Variants in GLRA1 observed in about 807,000 individuals in gnomAD.
GLRA1 encodes the protein glycine receptor alpha 1.
A neutral mutation model predicts 48.3 loss-of-function variants in GLRA1; 37 were observed. The ratio of observed to expected loss-of-function variants is 0.77; its 90% CI spans 0.59 to 1.01. The LOEUF (loss-of-function observed/expected upper bound fraction) is 1.01, where lower values mean the gene tolerates loss of function less well. Among genes scored for constraint, GLRA1 ranks in the 50% least tolerant of loss-of-function variants. The pLI, the probability that GLRA1 is intolerant of heterozygous loss-of-function variation, is 0.00. For synonymous variants in GLRA1, 196 were observed against 210.7 expected (o/e 0.93, Z 0.60); for missense variants, 427 against 571.0 (o/e 0.75, Z 2.57).
intron 1 of GLRA1, among the ~76,000 whole-genome samples, chr5:151,900,232 C>G (rs1266870094): frequency 6.6e-6 from 1 of 152,160 alleles, no homozygotes; most frequent in Non-Finnish European, 1.5e-5. Context: ...CCTGCACTTG[C>G]AGGGACCAGA....
At chr5:151,873,795 T>A (rs756156859) in intron 3 of GLRA1, among the ~76,000 whole-genome samples, 4 of 152,310 alleles carry the variant, frequency 2.6e-5, no homozygotes, top group Non-Finnish European at 5.9e-5. Context: ...ACACTCCTTG[T>A]CAGGCTGGGT....
chr5:151,857,656 T>C (rs1208103450), intron 4 of GLRA1, among the ~76,000 whole-genome samples: 1 of 152,170 alleles, frequency 6.6e-6, no homozygotes, highest in Admixed American at 6.5e-5. Context: ...AGGGGTGGGC[T>C]CCTCAGGATT....
chr5:151,866,257 T>C (rs1429955986), intron 3 of GLRA1, among the ~76,000 whole-genome samples: 1 of 152,222 alleles, frequency 6.6e-6, no homozygotes, highest in Admixed American at 6.5e-5. Context: ...CTGCCCTGCT[T>C]ATGAGACCAA....
chr5:151,869,565 T>G lies in GLRA1; in HGVS notation c.253-9557A>C, dbSNP rs925337170. Among the ~76,000 whole-genome samples, 17 of 149,860 alleles carry G rather than the reference T, an allele frequency of 1.1e-4. 3 individuals carry two copies. The highest frequency in any genetic ancestry group is 4.0e-4 in the African/African-American group (16 of 39,510). On this transcript the variant is annotated intron_variant, in intron 3 of 8. Coordinates refer to ENST00000274576, the MANE Select transcript of GLRA1 (RefSeq NM_000171.4). ...CCCGTCTCTACTAAAAATACAAAAA[T>G]TAGCCTGTACTTGGTGGCAAGCACT...
At chr5:151,859,723 C>G (rs955880571) in intron 4 of GLRA1, 62 bp downstream of exon 4, 13 of 1,242,784 alleles carry the variant, frequency 1.0e-5, no homozygotes, top group African/African-American at 1.5e-5. Context: ...AGTCTATGCC[C>G]AGAAGGTAGT....
chr5:151,870,190 G>T (rs1753441231), intron 3 of GLRA1, among the ~76,000 whole-genome samples: 1 of 149,556 alleles, frequency 6.7e-6, no homozygotes, highest in Non-Finnish European at 1.5e-5. Context: ...ACAGGTTGGT[G>T]CATAAATAAC....
chr5:151,924,315 G>A (rs1206015627), intron 1 of GLRA1, among the ~76,000 whole-genome samples, 179 bp downstream of exon 1: 5 of 151,006 alleles, frequency 3.3e-5, no homozygotes, highest in African/African-American at 1.2e-4. Context: ...GCGGGCGGGG[G>A]TGGGGTGGGT....
At chr5:151,824,941 A>G (rs1371542280) in intron 8 of GLRA1, among the ~76,000 whole-genome samples, 1 of 152,100 alleles carries the variant, frequency 6.6e-6, no homozygotes, top group Non-Finnish European at 1.5e-5. Context: ...CACCAGCTTT[A>G]GTGTCCTTTT....
intron 3 of GLRA1, among the ~76,000 whole-genome samples, chr5:151,864,668 C>T (rs923867891): frequency 1.3e-5 from 2 of 152,160 alleles, no homozygotes; most frequent in Non-Finnish European, 2.9e-5. Flanking sequence ...CCCAGGCTTC[C>T]CTGACCTCTT....
intron 3 of GLRA1, among the ~76,000 whole-genome samples, chr5:151,880,689 A>G (rs1234071620): frequency 3.3e-5 from 5 of 152,274 alleles, no homozygotes; most frequent in African/African-American, 7.2e-5. Context: ...ATGTGCACAC[A>G]TGTATAGTCA....
chr5:151,894,139 ATGTGTGTGTGCGTGTG>A (rs1754171882), intron 1 of GLRA1, among the ~76,000 whole-genome samples: 1 of 151,944 alleles, frequency 6.6e-6, no homozygotes, highest in Non-Finnish European at 1.5e-5. Context: ...ATATGAATGT[ATGTGTGTGTGCGTGTG>A]TGTGTGTGTG....
chr5:151,891,431 G>A (rs1746921691), intron 2 of GLRA1, among the ~76,000 whole-genome samples: 1 of 152,156 alleles, frequency 6.6e-6, no homozygotes, highest in South Asian at 2.1e-4. Context: ...TGTTTTATTT[G>A]AATTTACATG....
intron 5 of GLRA1, 128 bp from the exon 6 acceptor site, chr5:151,855,305 C>T (rs1753010554): frequency 3.5e-6 from 3 of 846,300 alleles, no homozygotes; most frequent in Non-Finnish European, 5.9e-6. Context: ...GACCAGGTTC[C>T]TTTTTTTTCC....
At chr5:151,900,587 C>G (rs1002873819) in intron 1 of GLRA1, among the ~76,000 whole-genome samples, 4 of 152,176 alleles carry the variant, frequency 2.6e-5, no homozygotes, top group African/African-American at 9.7e-5. Context: ...AAAACTGAGG[C>G]TTAATCAATT....
At chr5:151,896,333 AATTAGAACTTAC>A (rs1470025646) in intron 1 of GLRA1, among the ~76,000 whole-genome samples, 1 of 152,230 alleles carries the variant, frequency 6.6e-6, no homozygotes, top group Non-Finnish European at 1.5e-5. Flanking sequence ...AGAGAGAAGG[AATTAGAACTTAC>A]ATTTTCAAGT....
At position 151,870,544 on chromosome 5, in the gene GLRA1, A is replaced by G. The variant is rs147401187; in HGVS notation, c.253-10536T>C. Among the ~76,000 whole-genome samples the G allele has an allele frequency of 1.3e-4, 19 of 149,988 alleles. 1 individual carries two copies. In the East Asian group the frequency reaches 2.7e-3, roughly 21 times the overall value. ...AGGATGGGCATGTGCTTGTAATGTAATGAGAAGAACCCTAATTTATTGTAT... is the reference window on the plus strand; with the variant it reads ...AGGATGGGCATGTGCTTGTAATGTAGTGAGAAGAACCCTAATTTATTGTAT... On this transcript the variant is annotated intron_variant, in intron 3 of 8. Coordinates refer to ENST00000274576, the MANE Select transcript of GLRA1 (RefSeq NM_000171.4).
chr5:151,890,387 GCCCC>G (rs1324070650), intron 2 of GLRA1, among the ~76,000 whole-genome samples: 1 of 152,200 alleles, frequency 6.6e-6, no homozygotes, highest in African/African-American at 2.4e-5. Context: ...CAAGACCATG[GCCCC>G]TCCACTCAGG....
chr5:151,889,918 C>T (rs779699639), intron 2 of GLRA1, among the ~76,000 whole-genome samples: 4 of 151,706 alleles, frequency 2.6e-5, no homozygotes, highest in South Asian at 2.1e-4. Context: ...AGGTGGGGGT[C>T]GAGGGAGTTA....
At chr5:151,844,115 A>G (rs1233558861) in intron 7 of GLRA1, among the ~76,000 whole-genome samples, 3 of 151,692 alleles carry the variant, frequency 2.0e-5, no homozygotes. Context: ...GGTTGCAGTG[A>G]GTCAAGATCA....
Sources: allele counts gnomAD v4.1 joint callset (sites outside exome capture counted in the v4.1 genomes callset), GRCh38; gene constraint gnomAD v4.1.1; transcripts MANE v1.5; gene names NCBI Gene and HGNC (gene_info 2026-07-23, HGNC 2026-07-21).